Variants in ELMO1 observed in about 807,000 individuals in gnomAD.
The protein encoded by ELMO1 is engulfment and cell motility protein 1.
In ELMO1, 26 loss-of-function variants were observed where a neutral mutation model predicts 98.9. The ratio of observed to expected loss-of-function variants is 0.26; its 90% confidence interval spans 0.19 to 0.36. The LOEUF (loss-of-function observed/expected upper bound fraction) is 0.36. ELMO1 is among the 10% of genes least tolerant of loss of function. The probability of loss-of-function intolerance (pLI) is 1.00; values close to 1 mark genes in which losing one functional copy is unlikely to be tolerated. For missense variants in ELMO1, 627 were observed against 935.2 expected (o/e 0.67, Z 4.30); for synonymous variants, 346 against 346.0 (o/e 1.00, Z 0.00).
intron 16 of ELMO1, among the ~76,000 whole-genome samples, chr7:36,922,628 A>C (rs556514910): frequency 3.3e-5 from 5 of 152,212 alleles, no homozygotes; most frequent in Admixed American, 6.5e-5. Context: ...AAAAATGAGA[A>C]GCTCCATCTT....
At chr7:37,440,148 T>TA (rs989783197) in intron 1 of ELMO1, among the ~76,000 whole-genome samples, 1 of 152,042 alleles carries the variant, frequency 6.6e-6, no homozygotes, top group East Asian at 1.9e-4. Flanking sequence ...AAGTCCACTA[T>TA]AAAAAAATCT....
chr7:36,997,218 G>T (rs1475168972), intron 16 of ELMO1, among the ~76,000 whole-genome samples: 1 of 152,140 alleles, frequency 6.6e-6, no homozygotes, highest in African/African-American at 2.4e-5. Context: ...ATTCTTGAGA[G>T]GAATGATTTC....
chr7:37,269,019 CGAA>C (rs1178860448), intron 5 of ELMO1, among the ~76,000 whole-genome samples: 1 of 152,226 alleles, frequency 6.6e-6, no homozygotes, highest in Admixed American at 6.5e-5. Flanking sequence ...CTGAGGCAGA[CGAA>C]GGAACTTCGA....
At chr7:36,914,971 A>C (rs1784588463) in intron 16 of ELMO1, among the ~76,000 whole-genome samples, 1 of 152,142 alleles carries the variant, frequency 6.6e-6, no homozygotes, top group Non-Finnish European at 1.5e-5. Context: ...TGTTTGTTTA[A>C]GAGATGGAGT....
intron 8 of ELMO1, among the ~76,000 whole-genome samples, chr7:37,229,636 C>G (rs1006974773): frequency 6.6e-6 from 1 of 152,106 alleles, no homozygotes; most frequent in Non-Finnish European, 1.5e-5. Context: ...ATTTAAAAGA[C>G]AGTTGCCTGC....
In ELMO1 at chr7:37,267,052, C is replaced by T. The variant is rs1386257705; in HGVS notation, c.243+4780G>A. Among the ~76,000 whole-genome samples the T allele has an allele frequency of 2.9e-3, 397 of 135,814 alleles. 15 individuals are homozygous for T. The highest frequency in any genetic ancestry group is 4.2e-3 in the Non-Finnish European group (274 of 65,414). The allele number at this position is 135,814 out of a possible 152,430, so 89.1% of individuals were successfully genotyped here. On this transcript the variant is annotated intron_variant, in intron 5 of 21. Transcript: ENST00000310758. ...ATATGTATATATACACACACACACACACACACACACACACACACACACACA... is the reference window on the plus strand; with the variant it reads ...ATATGTATATATACACACACACACATACACACACACACACACACACACACA...
chr7:37,406,627 G>T (rs964398478), intron 1 of ELMO1, among the ~76,000 whole-genome samples: 1 of 151,690 alleles, frequency 6.6e-6, no homozygotes, highest in East Asian at 1.9e-4. Flanking sequence ...TAGTAGAGAC[G>T]GGGGAGGGGT....
chr7:37,125,115 C>T (rs1246791011), intron 14 of ELMO1, among the ~76,000 whole-genome samples: 2 of 152,096 alleles, frequency 1.3e-5, no homozygotes, highest in Non-Finnish European at 2.9e-5. Context: ...CCCTTCCTTA[C>T]ACCTTATACA....
At chr7:37,154,893 A>G (rs1487531388) in intron 13 of ELMO1, among the ~76,000 whole-genome samples, 1 of 152,228 alleles carries the variant, frequency 6.6e-6, no homozygotes, top group African/African-American at 2.4e-5. Context: ...GAAGGAAAAA[A>G]TGTTAAGGGC....
At chr7:37,429,019 GGTTGTTGTTGTT>G (rs67631888) in intron 1 of ELMO1, among the ~76,000 whole-genome samples, 14,738 of 151,178 alleles carry the variant, frequency 0.097, 848 homozygotes, top group Admixed American at 0.12. Flanking sequence ...ACGTACTGCA[GGTTGTTGTTGTT>G]GTTGTTGTTG....
At chr7:36,973,830 A>G (rs896948142) in intron 16 of ELMO1, among the ~76,000 whole-genome samples, 1 of 151,968 alleles carries the variant, frequency 6.6e-6, no homozygotes, top group Non-Finnish European at 1.5e-5. Context: ...GGCGGCCCGC[A>G]CTCGGAGCAG....
chr7:37,214,760 G>A (rs1393912475), intron 11 of ELMO1, among the ~76,000 whole-genome samples: 6 of 152,164 alleles, frequency 3.9e-5, no homozygotes, highest in South Asian at 4.1e-4. Context: ...TATCCAAAGC[G>A]TATGGGAATC....
intron 5 of ELMO1, among the ~76,000 whole-genome samples, chr7:37,266,990 G>A (rs1477285200): frequency 1.4e-5 from 2 of 145,316 alleles, no homozygotes; most frequent in Non-Finnish European, 3.0e-5. Context: ...TCCAGCCTGG[G>A]CGACAGAGCA....
At chr7:37,103,614 A>G (rs1445980938) in intron 14 of ELMO1, among the ~76,000 whole-genome samples, 1 of 152,102 alleles carries the variant, frequency 6.6e-6, no homozygotes, top group Non-Finnish European at 1.5e-5. Flanking sequence ...ACAACGTGGC[A>G]CATGTATACA....
chr7:36,987,569 A>C (rs1444236524), intron 16 of ELMO1, among the ~76,000 whole-genome samples: 1 of 152,160 alleles, frequency 6.6e-6, no homozygotes, highest in African/African-American at 2.4e-5. Context: ...TGGGACCCTC[A>C]GCCCGTAATG....
intron 14 of ELMO1, among the ~76,000 whole-genome samples, chr7:37,103,810 C>T (rs1784782973): frequency 6.6e-6 from 1 of 151,462 alleles, no homozygotes; most frequent in South Asian, 2.1e-4. Flanking sequence ...TCCTGGCTAA[C>T]ACAGTGAAAT....
intron 2 of ELMO1, among the ~76,000 whole-genome samples, chr7:37,323,979 T>C (rs1287745153): frequency 1.3e-5 from 2 of 152,184 alleles, no homozygotes; most frequent in African/African-American, 4.8e-5. Flanking sequence ...TCAGAGTATA[T>C]GTTCCTTTAA....
At chr7:36,901,160 C>T (rs186812628) in intron 16 of ELMO1, among the ~76,000 whole-genome samples, 65 of 152,232 alleles carry the variant, frequency 4.3e-4, no homozygotes, top group Admixed American at 1.3e-3. Context: ...GGTCAGCTTC[C>T]GGAAACTCAA....
chr7:37,055,808 A>G (rs1796364271), intron 15 of ELMO1, among the ~76,000 whole-genome samples: 2 of 152,166 alleles, frequency 1.3e-5, no homozygotes, highest in African/African-American at 2.4e-5. Flanking sequence ...TGTCCCTGTC[A>G]GCCACGCACC....
Sources: gnomAD v4.1 joint callset for allele counts (sites outside exome capture counted in the v4.1 genomes callset) on GRCh38, gnomAD v4.1.1 for gene constraint, MANE v1.5 for transcripts, NCBI Gene and HGNC (gene_info 2026-07-23, HGNC 2026-07-21) for gene names.